IFFO2: variants seen among roughly 807,000 people sequenced by gnomAD.
IFFO2 encodes the protein intermediate filament family orphan 2.
Under a neutral mutation model 53.5 loss-of-function variants are expected in IFFO2, and 19 were observed. That is an observed-to-expected ratio of 0.36 (90% CI 0.25 to 0.52). The LOEUF (loss-of-function observed/expected upper bound fraction) is 0.52. Among genes scored for constraint, IFFO2 ranks in the 20% least tolerant of loss-of-function variants. IFFO2 has a pLI of 0.94. For missense variants in IFFO2, 570 were observed against 727.4 expected (o/e 0.78, Z 2.49); for synonymous variants, 303 against 313.6 (o/e 0.97, Z 0.36).
chr1:18,908,830 C>T (rs886346278), intron 8 of IFFO2, among the ~76,000 whole-genome samples, 164 bp from the exon 9 acceptor site: 16 of 152,148 alleles, frequency 1.1e-4, no homozygotes, highest in African/African-American at 3.1e-4. Context: ...TTTAAGCTCA[C>T]GAGGTAACCC....
In IFFO2 at chr1:18,956,201, C is replaced by T; in HGVS notation, c.132G>A (p.Ala44=). The change falls in exon 1 of 9, where the codon GCG becomes GCA. Residue 44 remains alanine (A), a synonymous_variant. Coordinates refer to ENST00000455833, the MANE Select transcript of IFFO2 (RefSeq NM_001136265.2). This position sits in a 1 kb window ranked among gnomAD's most constrained non-coding sequence, Gnocchi z 6.4. The part of the protein sequence containing the change: ...GAGPGPSPVT[A]ALRDDLGSNI... ...TGGAGCCCAGGTCGTCCCGCAGCGCCGCCGTCACCGGCGACGGACCCGGCC... is the reference window on the plus strand; with the variant it reads ...TGGAGCCCAGGTCGTCCCGCAGCGCTGCCGTCACCGGCGACGGACCCGGCC... 1.4e-6 allele frequency: 2 copies of T among 1,424,666 alleles called. No individual in the cohort carries two copies. Among genetic ancestry groups the T allele is most frequent in the Non-Finnish European group, 1.9e-6 (2 of 1,072,312 alleles). 88.3% of individuals were successfully genotyped at this position (1,424,666 alleles called of 1,614,324 possible). A position where few individuals can be genotyped will look rare whatever the true frequency, so the allele number is the denominator to read the frequency against.
chr1:18,954,804 C>A (rs561576101), intron 1 of IFFO2, among the ~76,000 whole-genome samples: 2 of 152,370 alleles, frequency 1.3e-5, no homozygotes, highest in African/African-American at 4.8e-5. Flanking sequence ...CTTGCAGAGT[C>A]TGGACCCCAG....
At position 18,918,055 on chromosome 1, in the gene IFFO2, G is replaced by A. The variant is rs538726133; in HGVS notation, c.963+307C>T. Among the ~76,000 whole-genome samples the A allele has an allele frequency of 1.2e-3, 187 of 152,348 alleles. No homozygotes were observed. Among genetic ancestry groups the A allele is most frequent in the African/African-American group, 4.4e-3 (181 of 41,584 alleles). On this transcript the variant is annotated intron_variant, in intron 4 of 8. Transcript: ENST00000455833. This position sits in a 1 kb window ranked among gnomAD's most constrained non-coding sequence, Gnocchi z 5.2. Reference sequence around the variant, plus strand: ...CGGGACAATGGGTACAGTGTGGGCTGGTGAACCAAGCCCTGGAGGGGCAGG... The same window carrying A: ...CGGGACAATGGGTACAGTGTGGGCTAGTGAACCAAGCCCTGGAGGGGCAGG...
intron 7 of IFFO2, 101 bp from the exon 8 acceptor site, chr1:18,910,573 AG>A: frequency 2.2e-6 from 3 of 1,382,054 alleles, no homozygotes; most frequent in Non-Finnish European, 3.0e-6. Context: ...GGTGCCATCA[AG>A]GCCACCATTG....
intron 1 of IFFO2, among the ~76,000 whole-genome samples, chr1:18,953,477 T>C (rs961245805): frequency 2.0e-5 from 3 of 152,140 alleles, no homozygotes; most frequent in Non-Finnish European, 4.4e-5. Flanking sequence ...CGTCTTAATG[T>C]TCTTTTAAAT....
chr1:18,910,498 G>A, intron 7 of IFFO2, 26 bp from the exon 8 acceptor site: 1 of 1,597,520 alleles, frequency 6.3e-7, no homozygotes, highest in Admixed American at 1.7e-5. Context: ...GAGGAATAAG[G>A]GTGAGGGCAA....
At chr1:18,945,597 C>T (rs976941417) in intron 1 of IFFO2, among the ~76,000 whole-genome samples, 3 of 152,260 alleles carry the variant, frequency 2.0e-5, no homozygotes, top group South Asian at 2.1e-4. Flanking sequence ...AGCAGATGAG[C>T]AGGGTCTGTG....
chr1:18,933,800 A>C (rs116775102), intron 1 of IFFO2, among the ~76,000 whole-genome samples: 1,857 of 152,218 alleles, frequency 0.012, 20 homozygotes, highest in Non-Finnish European at 0.018. Flanking sequence ...AGAATTTACC[A>C]TCTTAACCAT....
chr1:18,911,360 G>C, intron 7 of IFFO2, 24 bp downstream of exon 7: 1 of 1,310,330 alleles, frequency 7.6e-7, no homozygotes, highest in Non-Finnish European at 1.0e-6. Flanking sequence ...CCTCACGAGT[G>C]GGCTCCACGT....
intron 1 of IFFO2, among the ~76,000 whole-genome samples, chr1:18,941,373 G>A (rs887861990): frequency 3.9e-5 from 6 of 152,160 alleles, no homozygotes; most frequent in East Asian, 1.9e-4. Flanking sequence ...GACTTAAACC[G>A]GGCAGAAGCT....
rs375399171 is a variant in IFFO2 at position 18,929,589 on chromosome 1, C to A, written c.666-8468G>T. 1.2e-4 allele frequency among the ~76,000 whole-genome samples: 19 copies of A among 152,218 alleles called. No homozygotes were observed. The East Asian group carries it at 3.5e-3, about 28-fold the overall frequency. ...CATTCCCCTCACCTGACATTCCCCC[C>A]ACTTGTTTCCTGGTGACCAAGGGGC... On this transcript the variant is annotated intron_variant, in intron 1 of 8. Transcript: ENST00000455833.
Position 18,955,895 on chromosome 1 carries a change from G to C in IFFO2, c.438C>G (p.Gly146=). 1.5e-6 allele frequency: 2 copies of C among 1,347,948 alleles called. No individual in the cohort carries two copies. The highest frequency in any genetic ancestry group is 1.9e-6 in the Non-Finnish European group (2 of 1,059,410). The allele number at this position is 1,347,948 out of a possible 1,614,324, so 83.5% of individuals were successfully genotyped here. A position where few individuals can be genotyped will look rare whatever the true frequency, so the allele number is the denominator to read the frequency against. Residue 146 remains glycine (G), a synonymous_variant, in exon 1 of 9, where the codon GGC becomes GGG. Transcript: ENST00000455833. ...NAVALGGLPP[G]GGSHPQHYGR... is the part of the protein sequence containing the mutation. ...CGTAGTGCTGCGGGTGCGAGCCGCC[G>C]CCGGGGGGCAGGCCGCCCAGGGCCA...
In IFFO2 at chr1:18,916,772, CA is replaced by C. The variant is rs34630758; in HGVS notation, c.1103+130del. On this transcript the variant is annotated intron_variant, in intron 5 of 8. Coordinates refer to ENST00000455833, the MANE Select transcript of IFFO2 (RefSeq NM_001136265.2). This position sits in a 1 kb window ranked among gnomAD's most constrained non-coding sequence, Gnocchi z 4.3. ...TGGGTGACAAAGTGAGACCCTGTCT[CA>C]AAAAAAAAAAGGAAATGAATTCAAA... 0.076 allele frequency: 64,644 copies of C among 855,052 alleles called. No individual in the cohort carries two copies. Among genetic ancestry groups the C allele is most frequent in the South Asian group, 0.13 (4,953 of 37,214 alleles). The allele number at this position is 855,052 out of a possible 1,614,324, so 53.0% of individuals were successfully genotyped here.
chr1:18,956,231 C>CCCGCCG lies in IFFO2; in HGVS notation c.96_101dup (p.Gly33_Gly34dup), dbSNP rs750215792. The CCCGCCG allele has an allele frequency of 1.6e-5, 20 of 1,241,638 alleles. No individual in the cohort carries two copies. The South Asian group carries it at 1.9e-4, about 12-fold the overall frequency. The allele number at this position is 1,241,638 out of a possible 1,614,324, so 76.9% of individuals were successfully genotyped here. On this transcript the variant is annotated inframe_insertion, in exon 1 of 9. Transcript: ENST00000455833. The surrounding 1 kb of genome is among the most constrained non-coding windows in gnomAD (Gnocchi z 6.4). The stretch of plus-strand genomic sequence containing the variant: ...TCACCGGCGACGGACCCGGCCCTGC[C>CCCGCCG]CCGCCGCCGCCGCCGCCCCCGCCAG...
intron 1 of IFFO2, among the ~76,000 whole-genome samples, chr1:18,932,063 A>G (rs1160754340): frequency 6.6e-6 from 1 of 152,210 alleles, no homozygotes; most frequent in Non-Finnish European, 1.5e-5. Flanking sequence ...GTGAGCAAGA[A>G]AGGCACCAAG....
At position 18,910,408 on chromosome 1, in the gene IFFO2, C is replaced by A. The variant is rs1936019118; in HGVS notation, c.1382G>T (p.Ser461Ile). 6.2e-7 allele frequency: 1 copy of A among 1,613,960 alleles called. No individual in the cohort carries two copies. ...RHLHEYMEMC[S>I]MKRGLDVQME... is the part of the protein sequence containing the mutation. The stretch of plus-strand genomic sequence containing the variant: ...CTGCACGTCCAGGCCTCGCTTCATG[C>A]TGCACATCTCCATGTACTCGTGCAG... The change falls in exon 8 of 9, where the codon AGC becomes ATC. Residue 461 changes from serine to isoleucine, a missense_variant. Coordinates refer to ENST00000455833, the MANE Select transcript of IFFO2 (RefSeq NM_001136265.2).
intron 1 of IFFO2, 48 bp downstream of exon 1, chr1:18,955,620 G>T: frequency 5.3e-6 from 8 of 1,519,686 alleles, no homozygotes; most frequent in Non-Finnish European, 7.0e-6. Context: ...CGGCAGCCTG[G>T]ACCTGGGCGC....
At position 18,921,070 on chromosome 1, in the gene IFFO2, C is replaced by T. The variant is rs529599315; in HGVS notation, c.717G>A (p.Thr239=). 2.0e-5 allele frequency: 31 copies of T among 1,551,934 alleles called. No homozygotes were observed. The highest frequency in any genetic ancestry group is 1.1e-4 in the African/African-American group (8 of 73,178). The change falls in exon 2 of 9, where the codon ACG becomes ACA. Residue 239 remains threonine, a synonymous_variant. Coordinates refer to ENST00000455833, the MANE Select transcript of IFFO2 (RefSeq NM_001136265.2). Reference sequence around the variant, plus strand: ...ATCGGAGGGCTCTTACCTCCTGCAGCGTGTCCACCATGGTCTGAAGGTTCA... The same window carrying T: ...ATCGGAGGGCTCTTACCTCCTGCAGTGTGTCCACCATGGTCTGAAGGTTCA... The part of the protein sequence containing the change: ...KRMNLQTMVD[T]LQEAAQEADA...
At position 18,918,967 on chromosome 1, in the gene IFFO2, G is replaced by T. The variant is rs1174291467; in HGVS notation, c.823-465C>A. ...TCCCCTTGGACACAAGTGAGAGGGA[G>T]CCCAGTGGCCTCCAACTAGGGTCCT... On this transcript the variant is annotated intron_variant, in intron 3 of 8. Coordinates refer to ENST00000455833, the MANE Select transcript of IFFO2 (RefSeq NM_001136265.2). This position sits in a 1 kb window ranked among gnomAD's most constrained non-coding sequence, Gnocchi z 5.2. 6.6e-6 allele frequency among the ~76,000 whole-genome samples: 1 copy of T among 152,086 alleles called. No homozygotes were observed. The highest frequency in any genetic ancestry group is 1.5e-5 in the Non-Finnish European group (1 of 68,004).
Sources: allele counts gnomAD v4.1 joint callset (sites outside exome capture counted in the v4.1 genomes callset), GRCh38; gene constraint gnomAD v4.1.1; non-coding constraint Gnocchi (gnomAD v3.1); transcripts MANE v1.5; gene names NCBI Gene and HGNC (gene_info 2026-07-23, HGNC 2026-07-21).